USP47: variants seen among roughly 807,000 people sequenced by gnomAD.
The protein encoded by USP47 is ubiquitin specific peptidase 47, also known as ubiquitin carboxyl-terminal hydrolase 47.
A neutral mutation model predicts 165.1 loss-of-function variants in USP47; 35 were observed. That is an observed-to-expected ratio of 0.21 (90% CI 0.16 to 0.28). The LOEUF is 0.28. USP47 is among the 10% of genes least tolerant of loss of function. The pLI is 1.00. For missense variants in USP47, 1,277 were observed against 1,607.4 expected (o/e 0.79, Z 3.52); for synonymous variants, 531 against 544.5 (o/e 0.98, Z 0.35).
intron 20 of USP47, among the ~76,000 whole-genome samples, chr11:11,946,945 T>C (rs766980568): frequency 4.6e-5 from 7 of 152,208 alleles, no homozygotes; most frequent in Non-Finnish European, 1.0e-4. Flanking sequence ...CAAGTGTTGA[T>C]ATGACATGGG....
chr11:11,887,041 TCATCAC>T (rs938566530), intron 3 of USP47, among the ~76,000 whole-genome samples: 3 of 152,132 alleles, frequency 2.0e-5, no homozygotes, highest in Admixed American at 2.0e-4. Flanking sequence ...CTGAGAGAAT[TCATCAC>T]CATTAGGCCT....
At chr11:11,930,144 T>C in intron 13 of USP47, 24 bp downstream of exon 13, 3 of 1,581,706 alleles carry the variant, frequency 1.9e-6, no homozygotes, top group Non-Finnish European at 2.6e-6. Context: ...TAATTTTCAG[T>C]GTTTAAAAGT....
chr11:11,892,640 A>G (rs1431193862), intron 4 of USP47, among the ~76,000 whole-genome samples: 1 of 150,818 alleles, frequency 6.6e-6, no homozygotes, highest in East Asian at 1.9e-4. Flanking sequence ...GCCAGACACC[A>G]TCTCTACAAA....
intron 4 of USP47, among the ~76,000 whole-genome samples, chr11:11,895,386 C>G (rs967312609): frequency 2.6e-5 from 4 of 152,084 alleles, no homozygotes; most frequent in Non-Finnish European, 4.4e-5. Flanking sequence ...TGGTTGTGTT[C>G]AGAAATTATT....
rs1847453019 is a variant in USP47, at chr11:11,961,507, T to TA, written c.*5338dup. 6.6e-6 allele frequency among the ~76,000 whole-genome samples: 1 copy of TA among 152,040 alleles called. No homozygotes were observed. Among genetic ancestry groups the TA allele is most frequent in the African/African-American group, 2.4e-5 (1 of 41,400 alleles). ...AGGAATGCCAGTGACCTATAGAGGCTAAAAAACAGCAAGGAAATGGACTCT... is the reference window on the plus strand; with the variant it reads ...AGGAATGCCAGTGACCTATAGAGGCTAAAAAAACAGCAAGGAAATGGACTCT... On this transcript the variant is annotated 3_prime_UTR_variant, in exon 28 of 28. Coordinates refer to ENST00000527733, the MANE Select transcript of USP47 (RefSeq NM_001282659.2).
intron 3 of USP47, among the ~76,000 whole-genome samples, chr11:11,890,721 T>C (rs1379008355): frequency 2.0e-5 from 3 of 152,192 alleles, no homozygotes; most frequent in Non-Finnish European, 4.4e-5. Context: ...ATATGTTCAC[T>C]GCAGCACTAT....
At chr11:11,872,988 T>C (rs897807848) in intron 1 of USP47, among the ~76,000 whole-genome samples, 1 of 152,190 alleles carries the variant, frequency 6.6e-6, no homozygotes, top group Non-Finnish European at 1.5e-5. Flanking sequence ...TTTCAAATAC[T>C]GGTATATGAA....
chr11:11,934,411 G>A (rs1031941622), intron 16 of USP47, among the ~76,000 whole-genome samples: 1 of 152,136 alleles, frequency 6.6e-6, no homozygotes, highest in African/African-American at 2.4e-5. Context: ...AAATACATTA[G>A]TAGTAAATTG....
At chr11:11,906,119 G>A (rs1214155231) in intron 8 of USP47, among the ~76,000 whole-genome samples, 1 of 151,970 alleles carries the variant, frequency 6.6e-6, no homozygotes, top group Non-Finnish European at 1.5e-5. Flanking sequence ...GATTAGCTAA[G>A]ATTTTCTCAT....
intron 19 of USP47, among the ~76,000 whole-genome samples, chr11:11,940,886 A>C (rs1855421678): frequency 6.6e-6 from 1 of 150,794 alleles, no homozygotes; most frequent in Non-Finnish European, 1.5e-5. Flanking sequence ...TCCCACAGTG[A>C]TTATGTCCCC....
intron 1 of USP47, among the ~76,000 whole-genome samples, chr11:11,857,471 C>G (rs1005952253): frequency 6.6e-6 from 1 of 152,028 alleles, no homozygotes; most frequent in Non-Finnish European, 1.5e-5. Context: ...TAGTTATTTA[C>G]CATTAACACA....
chr11:11,886,632 G>A (rs929348371), intron 3 of USP47, among the ~76,000 whole-genome samples: 3 of 152,140 alleles, frequency 2.0e-5, no homozygotes, highest in African/African-American at 7.2e-5. Context: ...GATACCTGAA[G>A]GAGACAGGAA....
intron 1 of USP47, among the ~76,000 whole-genome samples, chr11:11,850,140 A>G (rs927922083): frequency 2.6e-5 from 4 of 151,942 alleles, no homozygotes; most frequent in African/African-American, 7.3e-5. Context: ...TTCAATCTGG[A>G]ATTTATCTCA....
intron 1 of USP47, among the ~76,000 whole-genome samples, chr11:11,866,596 G>A (rs1186411097): frequency 6.6e-6 from 1 of 152,142 alleles, no homozygotes; most frequent in Non-Finnish European, 1.5e-5. Flanking sequence ...AGGTGGCTAG[G>A]TCAGGATTCA....
chr11:11,871,515 AAAAAAAAAAAAAAAAAAAAAAAAG>A (rs1258315834), intron 1 of USP47, among the ~76,000 whole-genome samples: 1 of 58,448 alleles, frequency 1.7e-5, no homozygotes, highest in East Asian at 4.9e-4. Flanking sequence ...AAAAAAAAAA[AAAAAAAAAAAAAAAAAAAAAAAAG>A]AATTCTGGTT....
intron 3 of USP47, among the ~76,000 whole-genome samples, chr11:11,887,117 A>G (rs1289262060): frequency 6.6e-6 from 1 of 152,216 alleles, no homozygotes; most frequent in South Asian, 2.1e-4. Flanking sequence ...GTTACCAGCC[A>G]GTACAAAAAT....
chr11:11,951,900 C>G (rs1856250456), intron 24 of USP47: 1 of 151,980 alleles, frequency 6.6e-6, no homozygotes, highest in South Asian at 2.1e-4. Flanking sequence ...TCATAAATGA[C>G]AAAGAAGTCA....
chr11:11,912,223 C>G (rs909242983), intron 8 of USP47, among the ~76,000 whole-genome samples: 1 of 151,184 alleles, frequency 6.6e-6, no homozygotes, highest in African/African-American at 2.4e-5. Context: ...AAAGAAAAGC[C>G]GAGAAATCAG....
chr11:11,889,338 A>T (rs1276978737), intron 3 of USP47, among the ~76,000 whole-genome samples: 1 of 152,164 alleles, frequency 6.6e-6, no homozygotes, highest in Non-Finnish European at 1.5e-5. Flanking sequence ...AAATCAGCTT[A>T]AGCTGATAAG....
Sources: allele counts gnomAD v4.1 joint callset (sites outside exome capture counted in the v4.1 genomes callset), GRCh38; gene constraint gnomAD v4.1.1; transcripts MANE v1.5; gene names NCBI Gene and HGNC (gene_info 2026-07-23, HGNC 2026-07-21).